PDE1C: variants seen among roughly 807,000 people sequenced by gnomAD.
The protein encoded by PDE1C is dual specificity calcium/calmodulin-dependent 3',5'-cyclic nucleotide phosphodiesterase 1C.
PDE1C carries 62 observed loss-of-function variants against 93.1 expected under a neutral mutation model. The ratio of observed to expected loss-of-function variants is 0.67; its 90% CI spans 0.54 to 0.82. PDE1C has a LOEUF of 0.82. Among genes scored for constraint, PDE1C ranks in the 40% least tolerant of loss-of-function variants. The probability of loss-of-function intolerance (pLI) is 0.00; values close to 1 mark genes in which losing one functional copy is unlikely to be tolerated. For synonymous variants in PDE1C, 325 were observed against 310.1 expected, an observed-to-expected ratio of 1.05 and a Z score of -0.50; for missense variants, 742 against 884.6, an observed-to-expected ratio of 0.84 and a Z score of 2.04.
At chr7:31,704,985 A>G in the PDE1C span, among the ~76,000 whole-genome samples, 1 of 152,212 alleles carries the variant, frequency 6.6e-6, no homozygotes, top group African/African-American at 2.4e-5. Context: ...GCTCATCCTA[A>G]GCAATGATAT....
the PDE1C span, among the ~76,000 whole-genome samples, chr7:31,625,850 A>G: frequency 6.6e-6 from 1 of 151,988 alleles, no homozygotes; most frequent in Admixed American, 6.6e-5. Context: ...TTATAAAGCT[A>G]TTTTATAAAT....
chr7:31,807,692 G>A (rs1223183346), intron 16 of PDE1C, among the ~76,000 whole-genome samples: 2 of 151,928 alleles, frequency 1.3e-5, no homozygotes, highest in Non-Finnish European at 2.9e-5. Flanking sequence ...TGGGTTCTGG[G>A]TTTGAAGTTG....
At chr7:31,950,236 T>C (rs530468105) in intron 2 of PDE1C, among the ~76,000 whole-genome samples, 2 of 152,260 alleles carry the variant, frequency 1.3e-5, no homozygotes, top group Non-Finnish European at 2.9e-5. Context: ...GCACTGTGTG[T>C]AAAGATAAAG....
the PDE1C span, among the ~76,000 whole-genome samples, chr7:31,639,193 C>A: frequency 6.6e-6 from 1 of 152,190 alleles, no homozygotes; most frequent in Non-Finnish European, 1.5e-5. Context: ...AGCTTTCCCT[C>A]CTCTTTGGGA....
intron 2 of PDE1C, among the ~76,000 whole-genome samples, chr7:31,985,793 G>C (rs1371365021): frequency 6.6e-6 from 1 of 152,168 alleles, no homozygotes; most frequent in African/African-American, 2.4e-5. Flanking sequence ...GTGTATGTGT[G>C]TCACATTTTC....
intron 1 of PDE1C, among the ~76,000 whole-genome samples, chr7:32,253,931 C>G (rs555685586): frequency 1.3e-5 from 2 of 152,198 alleles, no homozygotes; most frequent in East Asian, 1.9e-4. Context: ...GGAGATAAGC[C>G]TGAGAACACC....
At chr7:32,172,823 TAA>T (rs70989638) in intron 2 of PDE1C, among the ~76,000 whole-genome samples, 77 of 104,446 alleles carry the variant, frequency 7.4e-4, no homozygotes, top group East Asian at 3.2e-3. Context: ...ACTCCATCTT[TAA>T]AAAAAAAAAA....
chr7:31,977,096 T>C (rs1029328434), intron 2 of PDE1C, among the ~76,000 whole-genome samples: 3 of 152,232 alleles, frequency 2.0e-5, no homozygotes, highest in Non-Finnish European at 4.4e-5. Context: ...ATATCTGCTA[T>C]AGTTTAAATC....
At chr7:31,797,165 A>G (rs377530708) in intron 16 of PDE1C, among the ~76,000 whole-genome samples, 2 of 151,748 alleles carry the variant, frequency 1.3e-5, no homozygotes, top group East Asian at 3.9e-4. Flanking sequence ...GCTAAGGGAA[A>G]TGGGATATTA....
chr7:31,691,307 T>G, the PDE1C span, among the ~76,000 whole-genome samples: 1 of 152,228 alleles, frequency 6.6e-6, no homozygotes, highest in Non-Finnish European at 1.5e-5. Context: ...TTTTATGAGC[T>G]TGAAACATTA....
At position 31,819,040 on chromosome 7, in the gene PDE1C, G is replaced by A. The variant is rs368927324; in HGVS notation, c.1583-2886C>T. On this transcript the variant is annotated intron_variant, in intron 14 of 17. Transcript: ENST00000396191. ...TGGTTTTTCCTCAACTGTAGCTATC[G>A]GGCAATTCAAGTTTACATGAATGAA... is the stretch of plus-strand genomic sequence containing the variant. Among the ~76,000 whole-genome samples, 96 of 152,154 alleles carry A rather than the reference G, an allele frequency of 6.3e-4. No individual in the cohort carries two copies. The South Asian group carries it at 0.019, about 30-fold the overall frequency.
intron 2 of PDE1C, among the ~76,000 whole-genome samples, chr7:32,042,355 A>G (rs904232260): frequency 2.0e-5 from 3 of 152,196 alleles, no homozygotes; most frequent in Non-Finnish European, 4.4e-5. Flanking sequence ...AAAGGGATAG[A>G]AAGAACTCAA....
intron 2 of PDE1C, among the ~76,000 whole-genome samples, chr7:31,930,009 T>C (rs891078225): frequency 6.6e-6 from 1 of 151,982 alleles, no homozygotes; most frequent in Non-Finnish European, 1.5e-5. Context: ...ATTAACAAAA[T>C]AGACCACTAG....
intron 2 of PDE1C, among the ~76,000 whole-genome samples, chr7:31,926,902 T>G (rs1803463888): frequency 1.5e-5 from 2 of 131,342 alleles, no homozygotes; most frequent in Non-Finnish European, 3.1e-5. Context: ...GCAGGAGTTT[T>G]TTTGTTTTGT....
At chr7:31,969,692 C>T (rs899726271) in intron 2 of PDE1C, among the ~76,000 whole-genome samples, 1 of 152,140 alleles carries the variant, frequency 6.6e-6, no homozygotes, top group Non-Finnish European at 1.5e-5. Context: ...CACATGCACA[C>T]ATATGTTTAT....
intron 1 of PDE1C, among the ~76,000 whole-genome samples, chr7:32,331,702 G>A (rs1783518950): frequency 6.6e-6 from 1 of 152,166 alleles, no homozygotes; most frequent in Admixed American, 6.5e-5. Context: ...TTTGGACATA[G>A]AATCAACAGG....
the PDE1C span, chr7:31,686,730 T>A: frequency 6.6e-6 from 1 of 152,206 alleles, no homozygotes; most frequent in Non-Finnish European, 1.5e-5. Context: ...TAGATATGTG[T>A]GAAGTCTCTA....
chr7:32,366,820 C>T (rs1011551190), intron 1 of PDE1C, among the ~76,000 whole-genome samples: 2 of 150,776 alleles, frequency 1.3e-5, no homozygotes, highest in African/African-American at 2.4e-5. Flanking sequence ...GTCAGGAGAT[C>T]GAGACCATCC....
intron 1 of PDE1C, chr7:32,209,640 G>A: frequency 1.0e-6 from 1 of 976,824 alleles, no homozygotes; most frequent in South Asian, 1.6e-5. Context: ...ACATCGGGCT[G>A]TATTTAAGAG....
Sources: gnomAD v4.1 joint callset for allele counts (sites outside exome capture counted in the v4.1 genomes callset) on GRCh38, gnomAD v4.1.1 for gene constraint, MANE v1.5 for transcripts, NCBI Gene and HGNC (gene_info 2026-07-23, HGNC 2026-07-21) for gene names.